Variants in ADGB observed in about 807,000 individuals in gnomAD.
ADGB encodes androglobin.
In ADGB, 172 loss-of-function variants were observed where a neutral mutation model predicts 210.5. That is an observed-to-expected ratio of 0.82 (90% confidence interval 0.72 to 0.93). The LOEUF (loss-of-function observed/expected upper bound fraction) is 0.93, where lower values mean the gene tolerates loss of function less well. ADGB is among the 40% of genes least tolerant of loss of function. The pLI is 0.00. For missense variants in ADGB, 2,025 were observed against 1,964.8 expected (o/e 1.03, Z -0.58); for synonymous variants, 658 against 662.7 (o/e 0.99, Z 0.11).
intron 1 of ADGB, among the ~76,000 whole-genome samples, chr6:146,621,316 G>A (rs562972838): frequency 5.3e-5 from 8 of 152,198 alleles, no homozygotes; most frequent in African/African-American, 1.9e-4. Context: ...ACTGACTGGA[G>A]CACAAAGTAG....
chr6:146,699,719 C>G lies in ADGB; in HGVS notation c.1578-1222C>G, dbSNP rs997919324. Among the ~76,000 whole-genome samples, 215 of 147,132 alleles carry G rather than the reference C, an allele frequency of 1.5e-3. 1 individual carries two copies. Among genetic ancestry groups the G allele is most frequent in the African/African-American group, 5.2e-3 (204 of 39,074 alleles). On this transcript the variant is annotated intron_variant, in intron 12 of 35. Transcript: ENST00000397944. ...TATTCAAAATAATTTTTGTTTATCT[C>G]TCAGCTAGTTGAGTTTGCATATCAG...
At chr6:146,632,736 C>T (rs1352261301) in intron 1 of ADGB, among the ~76,000 whole-genome samples, 1 of 152,144 alleles carries the variant, frequency 6.6e-6, no homozygotes, top group Non-Finnish European at 1.5e-5. Flanking sequence ...GACATTTCTG[C>T]CTTTTGCCCT....
chr6:146,713,068 G>A (rs1428368615), intron 13 of ADGB, among the ~76,000 whole-genome samples: 2 of 152,286 alleles, frequency 1.3e-5, no homozygotes, highest in Admixed American at 6.5e-5. Context: ...GGTTTCACCC[G>A]TGTTTGTACG....
At chr6:146,607,768 T>C (rs1780652235) in intron 1 of ADGB, among the ~76,000 whole-genome samples, 1 of 152,198 alleles carries the variant, frequency 6.6e-6, no homozygotes, top group African/African-American at 2.4e-5. Context: ...ATTAGCTTTT[T>C]GATGTGCTGC....
intron 33 of ADGB, among the ~76,000 whole-genome samples, chr6:146,790,152 T>C (rs1464622314): frequency 6.6e-6 from 1 of 152,288 alleles, no homozygotes; most frequent in East Asian, 1.9e-4. Context: ...AATAAATATA[T>C]TCATTACCTC....
chr6:146,776,390 A>G (rs1352839851), intron 29 of ADGB, among the ~76,000 whole-genome samples: 1 of 152,142 alleles, frequency 6.6e-6, no homozygotes, highest in Non-Finnish European at 1.5e-5. Flanking sequence ...GTTCAACATT[A>G]TACTAAATGA....
intron 32 of ADGB, among the ~76,000 whole-genome samples, chr6:146,786,719 A>G (rs111305141): frequency 6.6e-5 from 10 of 152,180 alleles, no homozygotes; most frequent in African/African-American, 2.4e-4. Flanking sequence ...TAACTCAAGT[A>G]CTCACTCCTC....
At chr6:146,814,938 T>G in intron 35 of ADGB, 94 bp from the exon 36 acceptor site, 1 of 1,253,306 alleles carries the variant, frequency 8.0e-7, no homozygotes, top group Non-Finnish European at 1.1e-6. Context: ...TGTGTGGGCG[T>G]AAGGACAGGG....
chr6:146,686,270 T>G (rs1469819039), intron 10 of ADGB, among the ~76,000 whole-genome samples: 1 of 152,100 alleles, frequency 6.6e-6, no homozygotes, highest in Non-Finnish European at 1.5e-5. Flanking sequence ...ATGACCTTTC[T>G]TGTATCACAA....
At chr6:146,808,396 T>G (rs557155217) in intron 35 of ADGB, among the ~76,000 whole-genome samples, 1 of 152,284 alleles carries the variant, frequency 6.6e-6, no homozygotes, top group African/African-American at 2.4e-5. Flanking sequence ...GGACTCTAGA[T>G]CCTAGCAACC....
intron 21 of ADGB, among the ~76,000 whole-genome samples, chr6:146,733,591 C>T (rs1777036040): frequency 6.6e-6 from 1 of 152,164 alleles, no homozygotes; most frequent in African/African-American, 2.4e-5. Flanking sequence ...ACTTTTCTCT[C>T]TTCTTCCCAT....
intron 28 of ADGB, among the ~76,000 whole-genome samples, chr6:146,764,313 T>C (rs1380567571): frequency 6.6e-6 from 1 of 152,152 alleles, no homozygotes; most frequent in Non-Finnish European, 1.5e-5. Flanking sequence ...CATGAATACA[T>C]CTTGGCAAAT....
intron 1 of ADGB, among the ~76,000 whole-genome samples, chr6:146,627,644 T>C (rs536911392): frequency 6.6e-6 from 1 of 152,074 alleles, no homozygotes; most frequent in Non-Finnish European, 1.5e-5. Flanking sequence ...CTCAGGTACT[T>C]TTTTTCCCCG....
intron 26 of ADGB, among the ~76,000 whole-genome samples, chr6:146,748,625 C>A (rs529964676): frequency 2.0e-5 from 3 of 152,160 alleles, no homozygotes; most frequent in South Asian, 2.1e-4. Context: ...CTCACTTTGT[C>A]GCCCAGCTGG....
At chr6:146,605,039 T>C (rs1780612363) in intron 1 of ADGB, among the ~76,000 whole-genome samples, 1 of 152,108 alleles carries the variant, frequency 6.6e-6, no homozygotes, top group Non-Finnish European at 1.5e-5. Context: ...TCATCCAAGT[T>C]GAATCATAAA....
At chr6:146,732,527 T>C (rs1777007135) in intron 20 of ADGB, among the ~76,000 whole-genome samples, 1 of 151,902 alleles carries the variant, frequency 6.6e-6, no homozygotes, top group African/African-American at 2.4e-5. Context: ...TGATTTAATA[T>C]GTAAGGGGTC....
At chr6:146,793,039 C>T (rs1777975027) in intron 33 of ADGB, among the ~76,000 whole-genome samples, 1 of 152,074 alleles carries the variant, frequency 6.6e-6, no homozygotes, top group South Asian at 2.1e-4. Flanking sequence ...TGGAAGGGGA[C>T]CCAAGCAGGT....
intron 2 of ADGB, among the ~76,000 whole-genome samples, chr6:146,636,421 T>C (rs1041420520): frequency 1.3e-5 from 2 of 152,058 alleles, no homozygotes; most frequent in Non-Finnish European, 2.9e-5. Flanking sequence ...CTGACTCTGT[T>C]AGCACCTAAA....
intron 29 of ADGB, among the ~76,000 whole-genome samples, chr6:146,769,872 T>A (rs1777626892): frequency 6.6e-6 from 1 of 152,198 alleles, no homozygotes; most frequent in African/African-American, 2.4e-5. Flanking sequence ...TTCAAACACT[T>A]GATGGTAGCC....
Sources: gnomAD v4.1 joint callset for allele counts (sites outside exome capture counted in the v4.1 genomes callset) on GRCh38, gnomAD v4.1.1 for gene constraint, MANE v1.5 for transcripts, NCBI Gene and HGNC (gene_info 2026-07-23, HGNC 2026-07-21) for gene names.